DEPDC4: variants seen among roughly 807,000 people sequenced by gnomAD.
DEPDC4 encodes DEP domain-containing protein 4.
A neutral mutation model predicts 52.0 loss-of-function variants in DEPDC4; 52 were observed. The ratio of observed to expected loss-of-function variants is 1.00; its 90% CI spans 0.80 to 1.26. The LOEUF is 1.26. Among genes scored for constraint, DEPDC4 ranks in the 50% most tolerant of loss-of-function variants. The pLI is 0.00. For synonymous variants in DEPDC4, 201 were observed against 196.8 expected (o/e 1.02, Z -0.18); for missense variants, 530 against 546.9 (o/e 0.97, Z 0.31).
the DEPDC4 span, among the ~76,000 whole-genome samples, chr12:100,272,491 A>G: frequency 6.6e-6 from 1 of 152,178 alleles, no homozygotes. Context: ...AGTCTACCAT[A>G]CTGGCTCATC....
chr12:100,236,728 TTGGG>T (rs1470572903), downstream of DEPDC4, among the ~76,000 whole-genome samples: 1 of 152,202 alleles, frequency 6.6e-6, no homozygotes, highest in African/African-American at 2.4e-5. Flanking sequence ...GTATTTGCTT[TTGGG>T]TTCTTGGTCA....
the DEPDC4 span, among the ~76,000 whole-genome samples, chr12:100,274,550 T>TA: frequency 2.0e-5 from 3 of 152,224 alleles, no homozygotes; most frequent in Non-Finnish European, 4.4e-5. Flanking sequence ...TAGTATTTCT[T>TA]ATCAAACTTC....
chr12:100,278,364 T>A, the DEPDC4 span, among the ~76,000 whole-genome samples: 3 of 151,984 alleles, frequency 2.0e-5, no homozygotes, highest in African/African-American at 7.2e-5. Context: ...CATACCTGGA[T>A]AATTTTTCTA....
upstream of DEPDC4, among the ~76,000 whole-genome samples, chr12:100,269,931 AGACAGTACT>A (rs1258785142): frequency 1.3e-5 from 2 of 152,060 alleles, no homozygotes; most frequent in African/African-American, 2.4e-5. Flanking sequence ...CCACTGTCTT[AGACAGTACT>A]TGTGTTTTAT....
At chr12:100,260,403 G>A (rs138408797) in intron 3 of DEPDC4, among the ~76,000 whole-genome samples, 279 of 151,808 alleles carry the variant, frequency 1.8e-3, no homozygotes, top group African/African-American at 6.5e-3. Context: ...TTACAGGCGT[G>A]AGCCACCGTG....
At chr12:100,281,613 C>T in the DEPDC4 span, among the ~76,000 whole-genome samples, 4 of 152,250 alleles carry the variant, frequency 2.6e-5, no homozygotes, top group South Asian at 2.1e-4. Flanking sequence ...GCGGGCAGAT[C>T]ACAAGGTCAG....
chr12:100,247,453 G>A (rs1328690055), intron 8 of DEPDC4, among the ~76,000 whole-genome samples: 4 of 151,996 alleles, frequency 2.6e-5, no homozygotes, highest in East Asian at 1.9e-4. Context: ...TGATCTGCCC[G>A]CCTTGGCCTC....
the DEPDC4 span, among the ~76,000 whole-genome samples, chr12:100,274,756 G>C: frequency 3.3e-5 from 5 of 152,182 alleles, no homozygotes; most frequent in African/African-American, 9.7e-5. Flanking sequence ...TCAGGACATA[G>C]ACTTGTTCTC....
chr12:100,243,935 T>C (rs1446311840), intron 8 of DEPDC4, among the ~76,000 whole-genome samples: 2 of 151,638 alleles, frequency 1.3e-5, no homozygotes. Flanking sequence ...TTCTTTGGCT[T>C]CATGGCATGA....
chr12:100,252,818 G>A lies in DEPDC4; in HGVS notation c.1106-282C>T, dbSNP rs1417328163. Among the ~76,000 whole-genome samples, 4 of 152,160 alleles carry A rather than the reference G, an allele frequency of 2.6e-5. No individual in the cohort carries two copies. In the East Asian group the frequency reaches 7.7e-4, roughly 29 times the overall value. On this transcript the variant is annotated intron_variant, in intron 5 of 9. Coordinates refer to ENST00000550587, the MANE Select transcript of DEPDC4 (RefSeq NM_001364818.2). ...ACACAGCTAAAAAATGACATATTAT[G>A]TCACTCAATTTTCATTTTGCTAAAA...
downstream of DEPDC4, among the ~76,000 whole-genome samples, chr12:100,235,720 G>A (rs2096140386): frequency 6.6e-6 from 1 of 152,040 alleles, no homozygotes; most frequent in African/African-American, 2.4e-5. Flanking sequence ...GATTACAGGT[G>A]CCCGCCACTG....
chr12:100,276,146 T>A, the DEPDC4 span, among the ~76,000 whole-genome samples: 2 of 152,228 alleles, frequency 1.3e-5, no homozygotes, highest in African/African-American at 4.8e-5. Flanking sequence ...TAATGCTGAC[T>A]ACATAACATG....
At chr12:100,278,723 G>A in the DEPDC4 span, among the ~76,000 whole-genome samples, 7 of 150,074 alleles carry the variant, frequency 4.7e-5, no homozygotes, top group Non-Finnish European at 8.9e-5. Flanking sequence ...TTCACCTCCC[G>A]GGTTCAAGCA....
At chr12:100,261,561 A>G (rs969600166) in intron 3 of DEPDC4, among the ~76,000 whole-genome samples, 1 of 152,226 alleles carries the variant, frequency 6.6e-6, no homozygotes, top group South Asian at 2.1e-4. Flanking sequence ...AGTTTACACA[A>G]TGGACAAAGG....
At chr12:100,244,091 C>CTATATATATATATATATA (rs2096172627) in intron 8 of DEPDC4, among the ~76,000 whole-genome samples, 1 of 34,992 alleles carries the variant, frequency 2.9e-5, no homozygotes, top group Non-Finnish European at 5.3e-5. Context: ...CTCTCTCTCT[C>CTATATATATATATATATA]TGTGTATATA....
rs747763765 is a variant in DEPDC4, at chr12:100,253,693, C to G, written c.901G>C (p.Ala301Pro). 13 of 1,289,472 alleles carry G rather than the reference C, an allele frequency of 1.0e-5. No homozygotes were observed. In the South Asian group the frequency reaches 1.5e-4, roughly 15 times the overall value. 79.9% of individuals were successfully genotyped at this position (1,289,472 alleles called of 1,614,324 possible). ...GGGAAATACTCCAAGCATTCAATTG[C>G]TGCATTAAGCCAGTTATCGATTCTA... is the stretch of plus-strand genomic sequence containing the variant. ...LPEIDNWLNA[A>P]IECLEYFPDQ... The change falls in exon 5 of 10, where the codon GCA becomes CCA. Residue 301 changes from alanine (A) to proline (P), a missense_variant. Coordinates refer to ENST00000550587, the MANE Select transcript of DEPDC4 (RefSeq NM_001364818.2).
the DEPDC4 span, among the ~76,000 whole-genome samples, chr12:100,273,363 AT>A: frequency 6.6e-6 from 1 of 152,222 alleles, no homozygotes; most frequent in Admixed American, 6.5e-5. Context: ...AACACTGTGC[AT>A]GTATATTCTG....
intron 3 of DEPDC4, among the ~76,000 whole-genome samples, chr12:100,258,828 T>C (rs775165656): frequency 1.3e-5 from 2 of 152,198 alleles, no homozygotes; most frequent in African/African-American, 2.4e-5. Context: ...CTCAGCACTT[T>C]GGGAGGTTGC....
At chr12:100,247,503 G>C (rs1047416861) in intron 8 of DEPDC4, among the ~76,000 whole-genome samples, 5 of 152,146 alleles carry the variant, frequency 3.3e-5, no homozygotes, top group Non-Finnish European at 7.4e-5. Context: ...ACCGCACCCA[G>C]CCTAGCATAT....
Sources: gnomAD v4.1 joint callset for allele counts (sites outside exome capture counted in the v4.1 genomes callset) on GRCh38, gnomAD v4.1.1 for gene constraint, MANE v1.5 for transcripts, NCBI Gene and HGNC (gene_info 2026-07-23, HGNC 2026-07-21) for gene names.